The following ACOT7 variants were observed in gnomAD, a reference collection of about 807,000 sequenced individuals.
ACOT7 encodes the protein cytosolic acyl coenzyme A thioester hydrolase.
A neutral mutation model predicts 40.2 loss-of-function variants in ACOT7; 12 were observed. That is an observed-to-expected ratio of 0.30 (90% CI 0.19 to 0.48). The LOEUF is 0.48. Ranked by LOEUF, ACOT7 falls within the 20% of genes least tolerant of loss-of-function variation. The pLI is 0.99. For missense variants in ACOT7, 395 were observed against 530.8 expected (o/e 0.74, Z 2.51); for synonymous variants, 228 against 219.5 (o/e 1.04, Z -0.34).
At chr1:6,373,515 T>G (rs1162196911) in intron 1 of ACOT7, among the ~76,000 whole-genome samples, 3 of 151,730 alleles carry the variant, frequency 2.0e-5, no homozygotes, top group Admixed American at 2.0e-4. Flanking sequence ...CCTCCCAAAG[T>G]GCTGAGATTA....
At chr1:6,310,903 A>G (rs1247728841) in intron 6 of ACOT7, among the ~76,000 whole-genome samples, 2 of 152,002 alleles carry the variant, frequency 1.3e-5, no homozygotes, top group African/African-American at 4.8e-5. Context: ...ACACCTGGCT[A>G]ATTTTTGTAT....
intron 5 of ACOT7, 74 bp downstream of exon 5, chr1:6,327,225 G>T: frequency 6.8e-7 from 1 of 1,459,950 alleles, no homozygotes; most frequent in Non-Finnish European, 9.5e-7. Context: ...GGCTCACGTA[G>T]GCCCGGCCTG....
chr1:6,324,148 G>A (rs1227798716), intron 5 of ACOT7, among the ~76,000 whole-genome samples: 2 of 152,072 alleles, frequency 1.3e-5, no homozygotes, highest in Non-Finnish European at 2.9e-5. Context: ...GGTCTCAGAT[G>A]AGCCCACCCC....
Position 6,327,376 on chromosome 1 carries a change from C to T in ACOT7, c.548G>A (p.Arg183Gln), listed in dbSNP as rs1640832567. 3 of 1,614,074 alleles carry T rather than the reference C, an allele frequency of 1.9e-6. No homozygotes were observed. Among genetic ancestry groups the T allele is most frequent in the African/African-American group, 1.3e-5 (1 of 74,928 alleles). Residue 183 changes from arginine (R) to glutamine (Q), a missense_variant, in exon 5 of 9, where the codon CGG becomes CAG. Arg to Gln is a conservative substitution (Grantham distance 43). Around this residue, in one of 2 missense-constraint regions of ACOT7, gnomAD observed 309 missense variants for 470.3 expected, o/e 0.66. Coordinates refer to ENST00000361521, the MANE Select transcript of ACOT7 (RefSeq NM_007274.4). ...GCGCTCCAGCTTCTGGGCTTCATACCGCTTCCGGCCCTCCTCCTCCTGCTC... is the reference window on the plus strand; with the variant it reads ...GCGCTCCAGCTTCTGGGCTTCATACTGCTTCCGGCCCTCCTCCTCCTGCTC... The part of the protein sequence containing the change: ...RQEQEEEGRK[R>Q]YEAQKLERME...
At chr1:6,280,804 G>C in intron 8 of ACOT7, among the ~76,000 whole-genome samples, 1 of 152,236 alleles carries the variant, frequency 6.6e-6, no homozygotes, top group East Asian at 1.9e-4. Context: ...GCCATGCTAA[G>C]GCGCTCTTAA....
At chr1:6,303,304 T>C (rs1015098373) in intron 6 of ACOT7, among the ~76,000 whole-genome samples, 5 of 152,196 alleles carry the variant, frequency 3.3e-5, no homozygotes, top group Non-Finnish European at 5.9e-5. Context: ...TCCTTGGAGC[T>C]GCATTTATTT....
Position 6,374,151 on chromosome 1 carries a change from G to A in ACOT7, c.143+19106C>T, listed in dbSNP as rs975163133. 7.2e-5 allele frequency among the ~76,000 whole-genome samples: 11 copies of A among 152,212 alleles called. No individual in the cohort carries two copies. The South Asian group carries it at 1.2e-3, about 17-fold the overall frequency. ...TGCAAGGGAAGGTGGCAGCAGGTGC[G>A]ATGAAGTCACCTGAGGACAGAGGCC... is the stretch of plus-strand genomic sequence containing the variant. On this transcript the variant is annotated intron_variant, in intron 1 of 8. Transcript: ENST00000361521.
At chr1:6,368,735 C>A (rs939675207) in intron 1 of ACOT7, among the ~76,000 whole-genome samples, 1 of 152,192 alleles carries the variant, frequency 6.6e-6, no homozygotes, top group Admixed American at 6.5e-5. Flanking sequence ...GGGAGCAGGT[C>A]CTGCCTGGCT....
chr1:6,331,432 G>A (rs1300837333), intron 4 of ACOT7, among the ~76,000 whole-genome samples: 1 of 152,234 alleles, frequency 6.6e-6, no homozygotes, highest in African/African-American at 2.4e-5. Flanking sequence ...CGCTGGAGAC[G>A]CCAGGAGGGA....
chr1:6,381,225 A>G (rs1262033093), intron 1 of ACOT7, among the ~76,000 whole-genome samples: 1 of 151,972 alleles, frequency 6.6e-6, no homozygotes, highest in Non-Finnish European at 1.5e-5. Context: ...ATACTTATAT[A>G]GATACACAAG....
chr1:6,378,309 G>A lies in ACOT7; in HGVS notation c.143+14948C>T, dbSNP rs558538787. 3.6e-3 allele frequency among the ~76,000 whole-genome samples: 548 copies of A among 151,798 alleles called. 8 individuals are homozygous for A. Among genetic ancestry groups the A allele is most frequent in the Non-Finnish European group, 5.8e-3 (391 of 67,860 alleles). The stretch of plus-strand genomic sequence containing the variant: ...GGTGGCCGGGGTGCTCCTCGATAGC[G>A]CCAGACTGCGGCAGATGGTCCAGTC... On this transcript the variant is annotated intron_variant, in intron 1 of 8. Coordinates refer to ENST00000361521, the MANE Select transcript of ACOT7 (RefSeq NM_007274.4).
At chr1:6,270,137 AG>A (rs1047570658) in intron 8 of ACOT7, among the ~76,000 whole-genome samples, 1 of 152,200 alleles carries the variant, frequency 6.6e-6, no homozygotes, top group Non-Finnish European at 1.5e-5. Context: ...CAAGTGACAA[AG>A]GGGCCACCCT....
chr1:6,316,068 G>A (rs960213794), intron 6 of ACOT7, among the ~76,000 whole-genome samples: 3 of 152,150 alleles, frequency 2.0e-5, no homozygotes, highest in African/African-American at 4.8e-5. Flanking sequence ...CGTAGACAGC[G>A]ACGACGGAAA....
At chr1:6,280,030 G>A (rs1239855691) in intron 8 of ACOT7, among the ~76,000 whole-genome samples, 1 of 152,234 alleles carries the variant, frequency 6.6e-6, no homozygotes. Flanking sequence ...AAATGCTTGC[G>A]GATCTGCGTG....
At chr1:6,348,051 T>G (rs1641481736) in intron 2 of ACOT7, among the ~76,000 whole-genome samples, 1 of 152,006 alleles carries the variant, frequency 6.6e-6, no homozygotes, top group Non-Finnish European at 1.5e-5. Context: ...AACAGGAACT[T>G]GGGACTTGGC....
At chr1:6,370,412 T>A (rs1412068135) in intron 1 of ACOT7, among the ~76,000 whole-genome samples, 3 of 151,758 alleles carry the variant, frequency 2.0e-5, no homozygotes, top group African/African-American at 7.3e-5. Context: ...TGCATCTCCA[T>A]CAGAGCTCTT....
intron 1 of ACOT7, among the ~76,000 whole-genome samples, chr1:6,387,644 A>G (rs1642461256): frequency 6.6e-6 from 1 of 152,326 alleles, no homozygotes; most frequent in Non-Finnish European, 1.5e-5. Context: ...TACACAGGCC[A>G]GGTGGGTCAC....
chr1:6,393,704 CG>C lies in ACOT7; in HGVS notation c.-306del, dbSNP rs1204151803. 3 of 208,934 alleles carry C rather than the reference CG, an allele frequency of 1.4e-5. No homozygotes were observed. The highest frequency in any genetic ancestry group is 7.0e-5 in the African/African-American group (3 of 43,160). The allele number at this position is 208,934 out of a possible 1,614,324, so 12.9% of individuals were successfully genotyped here. ...GCAGCCCCGAGGGAAGCGTCTGGGG[CG>C]GCCTAAGTGGCGGAGCAGGGCGGAC... is the stretch of plus-strand genomic sequence containing the variant. On this transcript the variant is annotated 5_prime_UTR_variant, in exon 1 of 9. Coordinates refer to ENST00000361521, the MANE Select transcript of ACOT7 (RefSeq NM_007274.4).
Position 6,393,627 on chromosome 1 carries a change from G to A in ACOT7, c.-228C>T. On this transcript the variant is annotated 5_prime_UTR_variant, in exon 1 of 9. Coordinates refer to ENST00000361521, the MANE Select transcript of ACOT7 (RefSeq NM_007274.4). ...CAGAAGGTTCGGTGGCGGTTGGGCC[G>A]CGCCGGTGCGGGGAAGGCCCGCTAG... The A allele has an allele frequency of 3.2e-6, 1 of 316,536 alleles. No individual in the cohort carries two copies. Among genetic ancestry groups the A allele is most frequent in the Non-Finnish European group, 5.5e-6 (1 of 180,884 alleles). The allele number at this position is 316,536 out of a possible 1,614,324, so 19.6% of individuals were successfully genotyped here. A position where few individuals can be genotyped will look rare whatever the true frequency, so the allele number is the denominator to read the frequency against.
Sources: allele counts gnomAD v4.1 joint callset (sites outside exome capture counted in the v4.1 genomes callset), GRCh38; gene constraint gnomAD v4.1.1; regional missense constraint gnomAD v4.1.1; transcripts MANE v1.5; gene names NCBI Gene and HGNC (gene_info 2026-07-23, HGNC 2026-07-21).